Variants in FLNB observed in about 807,000 individuals in gnomAD.
The protein encoded by FLNB is filamin B.
A neutral mutation model predicts 250.6 loss-of-function variants in FLNB; 111 were observed. The observed-to-expected ratio is 0.44, with a 90% CI of 0.38 to 0.52. The LOEUF is 0.52. Ranked by LOEUF, FLNB falls within the 20% of genes least tolerant of loss-of-function variation. The probability of loss-of-function intolerance (pLI) is 0.00; values close to 1 mark genes in which losing one functional copy is unlikely to be tolerated. For synonymous variants in FLNB, 1,302 were observed against 1,372.1 expected, an observed-to-expected ratio of 0.95 and a Z score of 1.13; for missense variants, 2,869 against 3,447.8, an observed-to-expected ratio of 0.83 and a Z score of 4.20.
At chr3:58,090,764 C>T (rs7610839) in intron 4 of FLNB, among the ~76,000 whole-genome samples, 2 of 151,828 alleles carry the variant, frequency 1.3e-5, no homozygotes, top group African/African-American at 4.8e-5. Context: ...TGCAAGGCCT[C>T]GTTCACTATT....
chr3:58,149,722 G>C (rs902139535), intron 36 of FLNB, 128 bp from the exon 37 acceptor site: 1 of 1,213,768 alleles, frequency 8.2e-7, no homozygotes, highest in Non-Finnish European at 1.2e-6. Flanking sequence ...AAACGAGGCC[G>C]CCATTGCTTT....
At chr3:58,041,337 C>T (rs770639454) in intron 1 of FLNB, among the ~76,000 whole-genome samples, 5 of 152,322 alleles carry the variant, frequency 3.3e-5, no homozygotes, top group Admixed American at 6.5e-5. Context: ...GGATTTCCAG[C>T]GCTGAACCAG....
intron 38 of FLNB, chr3:58,152,892 T>C: frequency 2.6e-6 from 1 of 385,060 alleles, no homozygotes; most frequent in Non-Finnish European, 4.7e-6. Flanking sequence ...TCTTGCGTCC[T>C]AGCACTGGTG....
intron 36 of FLNB, 91 bp from the exon 37 acceptor site, chr3:58,149,759 G>A (rs2097341717): frequency 6.0e-6 from 9 of 1,503,762 alleles, no homozygotes; most frequent in Non-Finnish European, 7.4e-6. Flanking sequence ...AATAGATTGA[G>A]GCGTAAGGGT....
At chr3:58,041,261 C>T (rs1456678648) in intron 1 of FLNB, among the ~76,000 whole-genome samples, 1 of 152,152 alleles carries the variant, frequency 6.6e-6, no homozygotes, top group Non-Finnish European at 1.5e-5. Context: ...AATGAGCTTG[C>T]AGTATTTATT....
At chr3:58,135,886 T>C in intron 27 of FLNB, 93 bp from the exon 28 acceptor site, 2 of 1,279,834 alleles carry the variant, frequency 1.6e-6, no homozygotes, top group Non-Finnish European at 2.2e-6. Flanking sequence ...CTGTTTCCAC[T>C]AGAGGCACTA....
At chr3:58,009,927 C>G (rs1285694352) in intron 1 of FLNB, among the ~76,000 whole-genome samples, 1 of 152,146 alleles carries the variant, frequency 6.6e-6, no homozygotes, top group East Asian at 1.9e-4. Flanking sequence ...CACAAGGCTA[C>G]TGATAGTGTG....
intron 1 of FLNB, among the ~76,000 whole-genome samples, chr3:58,014,988 A>T (rs1319672340): frequency 6.6e-6 from 1 of 152,162 alleles, no homozygotes; most frequent in Non-Finnish European, 1.5e-5. Context: ...CGGCCTCCCA[A>T]AGTGCTGGGA....
Position 58,008,842 on chromosome 3 carries a change from A to G in FLNB, c.278A>G (p.Lys93Arg). 6 of 1,613,770 alleles carry G rather than the reference A, an allele frequency of 3.7e-6. No individual in the cohort carries two copies. Among genetic ancestry groups the G allele is most frequent in the Middle Eastern group, 1.7e-4 (1 of 6,060 alleles). Residue 93 changes from lysine (K) to arginine (R), a missense_variant, in exon 1 of 46, where the codon AAG (lysine) becomes AGG (arginine). Lys to Arg is a conservative substitution (Grantham distance 26, BLOSUM62 2). Transcript: ENST00000295956. Reference protein sequence around the residue: ...ALEFLDRESIKLVSIDSKAIV... With the variant: ...ALEFLDRESIRLVSIDSKAIV... ...GAGTTCCTGGACCGTGAGAGCATCAAGCTCGTGTCCATCGGTGAGTTCTCT... is the reference window on the plus strand; with the variant it reads ...GAGTTCCTGGACCGTGAGAGCATCAGGCTCGTGTCCATCGGTGAGTTCTCT...
At chr3:58,123,769 A>G in intron 21 of FLNB, 79 bp downstream of exon 21, 1 of 1,264,832 alleles carries the variant, frequency 7.9e-7, no homozygotes, top group Non-Finnish European at 1.1e-6. Context: ...TGGAGCTGCA[A>G]ACTCAGCCAC....
intron 1 of FLNB, among the ~76,000 whole-genome samples, chr3:58,056,022 A>AC (rs1488508026): frequency 2.0e-5 from 3 of 151,592 alleles, no homozygotes; most frequent in African/African-American, 7.3e-5. Context: ...CTGCTAATAC[A>AC]CCTGTGTTTT....
At chr3:58,050,165 G>A (rs537352731) in intron 1 of FLNB, among the ~76,000 whole-genome samples, 1 of 151,952 alleles carries the variant, frequency 6.6e-6, no homozygotes, top group Non-Finnish European at 1.5e-5. Context: ...GAGTAGCTGG[G>A]ACTACAGCCA....
chr3:58,026,093 C>A (rs1454651417), intron 1 of FLNB, among the ~76,000 whole-genome samples: 2 of 152,188 alleles, frequency 1.3e-5, no homozygotes, highest in African/African-American at 4.8e-5. Flanking sequence ...CCTGCACTTC[C>A]CACTTAGCCT....
In FLNB at chr3:58,163,223, G is replaced by A; in HGVS notation, c.7091G>A (p.Ser2364Asn). ...VHTIDVKFNGSHVVGSPFKVR... is the reference protein window; with the variant it reads ...VHTIDVKFNGNHVVGSPFKVR... ...ACCATCGATGTCAAGTTCAATGGGA[G>A]CCACGTGGTTGGAAGCCCCTTCAAA... Residue 2364 changes from serine (S) to asparagine (N), a missense_variant, in exon 43 of 46, where the codon AGC (serine) becomes AAC (asparagine). Physicochemically the swap from Ser to Asn is conservative, Grantham distance 46. Transcript: ENST00000295956. The A allele has an allele frequency of 6.2e-7, 1 of 1,614,208 alleles. No individual in the cohort carries two copies. Among genetic ancestry groups the A allele is most frequent in the Non-Finnish European group, 8.5e-7 (1 of 1,180,008 alleles).
At chr3:58,085,894 G>GA (rs998040458) in intron 4 of FLNB, among the ~76,000 whole-genome samples, 1 of 152,172 alleles carries the variant, frequency 6.6e-6, no homozygotes, top group Non-Finnish European at 1.5e-5. Context: ...CCCAAGCCCA[G>GA]ACCTTTGACA....
At chr3:58,031,366 C>A (rs1364831419) in intron 1 of FLNB, among the ~76,000 whole-genome samples, 2 of 151,948 alleles carry the variant, frequency 1.3e-5, no homozygotes, top group Non-Finnish European at 2.9e-5. Context: ...CCTCAGCCTC[C>A]CGAGTAGCTG....
chr3:58,152,833 C>A, intron 38 of FLNB: 1 of 974,708 alleles, frequency 1.0e-6, no homozygotes, highest in Non-Finnish European at 1.4e-6. Context: ...CACGGCAGTG[C>A]AGGCACAGTC....
chr3:58,143,699 G>C (rs1214476476), intron 32 of FLNB, 86 bp downstream of exon 32: 2 of 1,539,564 alleles, frequency 1.3e-6, no homozygotes, highest in Non-Finnish European at 1.8e-6. Flanking sequence ...GCTTTGCAGG[G>C]AGCAGCTCTC....
chr3:58,018,641 C>T (rs545687680), intron 1 of FLNB, among the ~76,000 whole-genome samples: 29 of 151,860 alleles, frequency 1.9e-4, no homozygotes, highest in Non-Finnish European at 4.0e-4. Flanking sequence ...TCAACCTCTC[C>T]AGTAGCTGGG....
Sources: gnomAD v4.1 joint callset for allele counts (sites outside exome capture counted in the v4.1 genomes callset) on GRCh38, gnomAD v4.1.1 for gene constraint, MANE v1.5 for transcripts, NCBI Gene and HGNC (gene_info 2026-07-23, HGNC 2026-07-21) for gene names.